The following HEATR9 variants were observed in gnomAD, a reference collection of about 807,000 sequenced individuals.
The protein encoded by HEATR9 is HEAT repeat containing 9, also known as protein HEATR9.
In HEATR9, 54 loss-of-function variants were observed where a neutral mutation model predicts 68.2. The observed-to-expected ratio is 0.79, with a 90% confidence interval of 0.64 to 0.99. The LOEUF (loss-of-function observed/expected upper bound fraction) is 0.99, where lower values mean the gene tolerates loss of function less well. HEATR9 is among the 50% of genes least tolerant of loss of function. HEATR9 has a pLI of 0.00. For missense variants in HEATR9, 662 were observed against 679.7 expected (o/e 0.97, Z 0.29); for synonymous variants, 241 against 253.5 (o/e 0.95, Z 0.47).
Position 35,856,787 on chromosome 17 carries a change from C to CCACAGCCTGCCT in HEATR9, c.1159_1170dup (p.Arg387_Val390dup). Reference sequence around the variant, plus strand: ...AACTTGAGCTCTTCCACAGTTTGAGCCACAGCCTGCCTCACAGCCTGCAGA... The same window carrying CCACAGCCTGCCT: ...AACTTGAGCTCTTCCACAGTTTGAGCCACAGCCTGCCTCACAGCCTGCCTCACAGCCTGCAGA... On this transcript the variant is annotated inframe_insertion, in exon 12 of 15. Coordinates refer to ENST00000604834, the MANE Select transcript of HEATR9 (RefSeq NM_152781.4). The CCACAGCCTGCCT allele has an allele frequency of 2.5e-6, 4 of 1,605,046 alleles. No homozygotes were observed. The highest frequency in any genetic ancestry group is 3.4e-5 in the Admixed American group (2 of 59,010).
intron 9 of HEATR9, 108 bp downstream of exon 9, chr17:35,858,780 A>T (rs1367876916): frequency 6.4e-6 from 8 of 1,245,502 alleles, no homozygotes; most frequent in Non-Finnish European, 9.2e-6. Flanking sequence ...TCATAAGCAC[A>T]CAGAGGATCC....
At chr17:35,855,478 G>C (rs1277666260) in intron 14 of HEATR9, 68 bp from the exon 15 acceptor site, 1 of 1,454,346 alleles carries the variant, frequency 6.9e-7, no homozygotes, top group Non-Finnish European at 9.5e-7. Context: ...CAGAGAGGGG[G>C]CACCCAAAGT....
intron 6 of HEATR9, chr17:35,863,901 A>G: frequency 3.7e-6 from 2 of 536,066 alleles, no homozygotes; most frequent in Non-Finnish European, 6.6e-6. Flanking sequence ...GGATATAAAG[A>G]ATGCATGTTC....
intron 1 of HEATR9, among the ~76,000 whole-genome samples, chr17:35,867,132 T>C (rs1598610339): frequency 6.7e-6 from 1 of 149,422 alleles, no homozygotes; most frequent in South Asian, 2.1e-4. Flanking sequence ...TGGTGGTGGG[T>C]GCCTGTAGTC....
intron 8 of HEATR9, among the ~76,000 whole-genome samples, chr17:35,860,898 T>C (rs1213437696): frequency 6.6e-6 from 1 of 152,014 alleles, no homozygotes; most frequent in Non-Finnish European, 1.5e-5. Flanking sequence ...ACAAAAAAAT[T>C]AGCCGGGCGT....
chr17:35,866,755 G>A lies in HEATR9; in HGVS notation c.107C>T (p.Ala36Val). Residue 36 changes from alanine to valine, a missense_variant, in exon 2 of 15, where the codon GCT (alanine) becomes GTT (valine). Transcript: ENST00000604834. ...GCAGGACAAGGGCAGATGAACAGGA[G>A]CCATGGCTTTTCTGAGTTCTGGCAA... ...DKTKELRKAM[A>V]PVHLPLSCYQ... is the part of the protein sequence containing the mutation. 6.2e-7 allele frequency: 1 copy of A among 1,614,110 alleles called. No individual in the cohort carries two copies. Among genetic ancestry groups the A allele is most frequent in the South Asian group, 1.1e-5 (1 of 91,084 alleles).
At position 35,864,828 on chromosome 17, in the gene HEATR9, G is replaced by T; in HGVS notation, c.383C>A (p.Thr128Asn). The change falls in exon 4 of 15, where the codon ACT becomes AAT. Residue 128 changes from threonine to asparagine, a missense_variant. Thr to Asn is a moderately conservative substitution (Grantham distance 65). Transcript: ENST00000604834. ...KMFHLPMSKL[T>N]IKSEMRSRPL... is the part of the protein sequence containing the mutation. ...CCTGGATCGCATCTCAGATTTTATA[G>T]TCAGCTTGCTCATTGGGAGATGGAA... 1.2e-6 allele frequency: 2 copies of T among 1,614,196 alleles called. No homozygotes were observed. Among genetic ancestry groups the T allele is most frequent in the Non-Finnish European group, 1.7e-6 (2 of 1,180,038 alleles).
chr17:35,855,008 G>A lies in HEATR9; in HGVS notation c.*55C>T. On this transcript the variant is annotated 3_prime_UTR_variant, in exon 15 of 15. Coordinates refer to ENST00000604834, the MANE Select transcript of HEATR9 (RefSeq NM_152781.4). ...ATAAGTATAGATTGTTTTCTCATGG[G>A]AGCCTGAGAAGCATCTTCAGGGAGG... is the stretch of plus-strand genomic sequence containing the variant. The A allele has an allele frequency of 7.2e-7, 1 of 1,386,106 alleles. No homozygotes were observed. The highest frequency in any genetic ancestry group is 1.0e-6 in the Non-Finnish European group (1 of 991,582). The allele number at this position is 1,386,106 out of a possible 1,614,324, so 85.9% of individuals were successfully genotyped here. A position where few individuals can be genotyped will look rare whatever the true frequency, so the allele number is the denominator to read the frequency against.
At chr17:35,863,649 CA>C in intron 6 of HEATR9, 90 bp from the exon 7 acceptor site, 1 of 1,406,534 alleles carries the variant, frequency 7.1e-7, no homozygotes, top group Non-Finnish European at 1.0e-6. Context: ...TCTCATTTTA[CA>C]AAAGAGGAAA....
rs1351095797 is a variant in HEATR9 at position 35,863,750 on chromosome 17, T to A, written c.568-191A>T. Reference sequence around the variant, plus strand: ...AGGAACAATACAGTTGGGAGTTAGATGTTTGTTCAAATCTCTATCTGGTAT... The same window carrying A: ...AGGAACAATACAGTTGGGAGTTAGAAGTTTGTTCAAATCTCTATCTGGTAT... On this transcript the variant is annotated intron_variant, in intron 6 of 14. Transcript: ENST00000604834. The A allele has an allele frequency of 1.1e-5, 7 of 641,422 alleles. No homozygotes were observed. In the East Asian group the frequency reaches 1.4e-4, roughly 13 times the overall value. The allele number at this position is 641,422 out of a possible 1,614,324, so 39.7% of individuals were successfully genotyped here. A position where few individuals can be genotyped will look rare whatever the true frequency, so the allele number is the denominator to read the frequency against.
In HEATR9 at chr17:35,863,178, C is replaced by G. The variant is rs931798486; in HGVS notation, c.626-53G>C. 3.7e-5 allele frequency: 59 copies of G among 1,608,264 alleles called. No homozygotes were observed. In the Middle Eastern group the frequency reaches 6.9e-4, roughly 19 times the overall value. On this transcript the variant is annotated intron_variant, in intron 7 of 14. Coordinates refer to ENST00000604834, the MANE Select transcript of HEATR9 (RefSeq NM_152781.4). ...GCAGAGCCTCTGGTACTGCCCCTCT[C>G]TGCAAGGACCCATTGAACTCCACTG...
chr17:35,855,495 G>T, intron 14 of HEATR9, 85 bp from the exon 15 acceptor site: 1 of 1,381,178 alleles, frequency 7.2e-7, no homozygotes, highest in Non-Finnish European at 1.0e-6. Flanking sequence ...AAGTAGGGGG[G>T]AATTCTAGCC....
chr17:35,868,645 C>T lies in HEATR9; in HGVS notation c.88+10G>A. ...GCTCTTGGCTCCATTTCTGTCCATCCCAGCCTCACCTTTGGTCTTGTCTGG... is the reference window on the plus strand; with the variant it reads ...GCTCTTGGCTCCATTTCTGTCCATCTCAGCCTCACCTTTGGTCTTGTCTGG... On this transcript the variant is annotated intron_variant, in intron 1 of 14. Transcript: ENST00000604834. 1 of 1,614,138 alleles carries T rather than the reference C, an allele frequency of 6.2e-7. No homozygotes were observed. Among genetic ancestry groups the T allele is most frequent in the Non-Finnish European group, 8.5e-7 (1 of 1,180,000 alleles).
chr17:35,862,967 C>T, intron 8 of HEATR9, 28 bp downstream of exon 8: 4 of 1,614,142 alleles, frequency 2.5e-6, no homozygotes, highest in South Asian at 2.2e-5. Context: ...CAGCTTTGCC[C>T]CCAATTAAAG....
intron 14 of HEATR9, 90 bp downstream of exon 14, chr17:35,855,574 T>C: frequency 5.0e-6 from 7 of 1,388,762 alleles, no homozygotes; most frequent in Non-Finnish European, 7.2e-6. Flanking sequence ...CCTCTCCTCC[T>C]GACAAGGAGC....
chr17:35,864,210 C>T (rs2088110853), intron 6 of HEATR9, 36 bp downstream of exon 6: 1 of 1,569,164 alleles, frequency 6.4e-7, no homozygotes, highest in Non-Finnish European at 8.8e-7. Flanking sequence ...GACCCTGTTT[C>T]CTTCTTTCCT....
At chr17:35,857,425 G>A (rs1364209568) in intron 11 of HEATR9, among the ~76,000 whole-genome samples, 1 of 152,118 alleles carries the variant, frequency 6.6e-6, no homozygotes, top group Non-Finnish European at 1.5e-5. Context: ...ATGCAGAGAA[G>A]GCACAATCTG....
At chr17:35,867,725 T>G (rs2088259937) in intron 1 of HEATR9, among the ~76,000 whole-genome samples, 1 of 152,178 alleles carries the variant, frequency 6.6e-6, no homozygotes, top group Non-Finnish European at 1.5e-5. Flanking sequence ...AGTATCTGAT[T>G]CACTAGATTA....
chr17:35,868,728 T>G lies in HEATR9; in HGVS notation c.15A>C (p.Lys5Asn), dbSNP rs1371786765. Reference protein sequence around the residue: MAYEKSTDISDVSRS... With the variant: MAYENSTDISDVSRS... Reference sequence around the variant, plus strand: ...TGGAGACATCAGAGATATCAGTTGATTTTTCATAGGCCATCTTCTTCTCCT... The same window carrying G: ...TGGAGACATCAGAGATATCAGTTGAGTTTTCATAGGCCATCTTCTTCTCCT... Residue 5 changes from lysine (K) to asparagine (N), a missense_variant, in exon 1 of 15, where the codon AAA becomes AAC. Transcript: ENST00000604834. 2 of 1,614,164 alleles carry G rather than the reference T, an allele frequency of 1.2e-6. No homozygotes were observed. Among genetic ancestry groups the G allele is most frequent in the African/African-American group, 1.3e-5 (1 of 75,012 alleles).
Sources: allele counts gnomAD v4.1 joint callset (sites outside exome capture counted in the v4.1 genomes callset), GRCh38; gene constraint gnomAD v4.1.1; transcripts MANE v1.5; gene names NCBI Gene and HGNC (gene_info 2026-07-23, HGNC 2026-07-21).